UBE3A: variants seen among roughly 807,000 people sequenced by gnomAD.
UBE3A encodes the protein ubiquitin protein ligase E3A, also known as ubiquitin-protein ligase E3A.
UBE3A carries 6 observed loss-of-function variants against 83.4 expected under a neutral mutation model. The ratio of observed to expected loss-of-function variants is 0.07; its 90% CI spans 0.04 to 0.14. UBE3A has a LOEUF of 0.14. UBE3A is among the 10% of genes least tolerant of loss of function. UBE3A has a pLI of 1.00. For missense variants in UBE3A, 456 were observed against 1,036.1 expected, an observed-to-expected ratio of 0.44 and a Z score of 7.69; for synonymous variants, 337 against 355.4, an observed-to-expected ratio of 0.95 and a Z score of 0.58.
chr15:25,371,302 C>A lies in UBE3A; in HGVS notation c.872G>T (p.Arg291Ile). ...CAGATATTCAGGACTGTGGAGATTT[C>A]TATTCTCCATTACGATAATGAACAA... ...LNLFIIVMEN[R>I]NLHSPEYLEM... The change falls in exon 6 of 13, where the codon AGA becomes ATA. Residue 291 changes from arginine (R) to isoleucine (I), a missense_variant. Arg to Ile is a moderately conservative substitution (Grantham distance 97). This residue lies in a region of UBE3A where 40 missense variants were observed against 124.8 expected (regional missense o/e 0.32). Transcript: ENST00000648336. This position sits in a 1 kb window ranked among gnomAD's most constrained non-coding sequence, Gnocchi z 5.3. The A allele has an allele frequency of 6.2e-7, 1 of 1,614,116 alleles. No homozygotes were observed.
chr15:25,357,902 CTTTTT>C (rs35596421), intron 7 of UBE3A, among the ~76,000 whole-genome samples: 4 of 95,740 alleles, frequency 4.2e-5, no homozygotes, highest in Non-Finnish European at 5.9e-5. Context: ...ATCATGGAGG[CTTTTT>C]TTTTTTTTTT....
chr15:25,437,853 G>C (rs563733352), intron 1 of UBE3A, among the ~76,000 whole-genome samples: 9 of 151,788 alleles, frequency 5.9e-5, no homozygotes, highest in African/African-American at 2.4e-5. Context: ...ACTGAAAAGG[G>C]GGGGGAAAAA....
rs2077148395 is a variant in UBE3A at position 25,355,838 on chromosome 15, A to G, written c.2124+54T>C. The G allele has an allele frequency of 6.6e-6, 10 of 1,526,452 alleles. No homozygotes were observed. In the South Asian group the frequency reaches 1.1e-4, roughly 17 times the overall value. 94.6% of individuals were successfully genotyped at this position (1,526,452 alleles called of 1,614,324 possible). ...ACTTCTTTAAAAATTATAAGCATAC[A>G]TGCTTTGAAAGTGTTAATGAAGAGA... On this transcript the variant is annotated intron_variant, in intron 9 of 12. Transcript: ENST00000648336.
chr15:25,398,465 T>C (rs538632185), intron 4 of UBE3A, among the ~76,000 whole-genome samples: 6 of 152,066 alleles, frequency 3.9e-5, no homozygotes, highest in Admixed American at 2.6e-4. Flanking sequence ...CCCAGTCCAC[T>C]CACCCCCAGC....
At chr15:25,432,471 C>A (rs951544296) in intron 1 of UBE3A, among the ~76,000 whole-genome samples, 1 of 152,128 alleles carries the variant, frequency 6.6e-6, no homozygotes, top group Non-Finnish European at 1.5e-5. Flanking sequence ...TTCATTCAGC[C>A]CACAGCTATG....
intron 4 of UBE3A, among the ~76,000 whole-genome samples, chr15:25,394,049 A>G (rs777644609): frequency 6.6e-6 from 1 of 152,160 alleles, no homozygotes; most frequent in African/African-American, 2.4e-5. Context: ...TATGATTCTT[A>G]GCTATTCCCA....
chr15:25,365,771 AAAAG>A (rs1008754795), intron 6 of UBE3A, among the ~76,000 whole-genome samples: 1 of 151,648 alleles, frequency 6.6e-6, no homozygotes, highest in Non-Finnish European at 1.5e-5. Context: ...AAAAAGAGGA[AAAAG>A]AAAGAAAGGC....
chr15:25,333,752 T>A lies in UBE3A; in HGVS notation c.*5385A>T, dbSNP rs184299960. On this transcript the variant is annotated 3_prime_UTR_variant, in exon 13 of 13. Transcript: ENST00000648336. ...ATCCAGCAGCATAGAACAAGGTTTATGTAGCATGGACAACTGAGATTATCC... is the reference window on the plus strand; with the variant it reads ...ATCCAGCAGCATAGAACAAGGTTTAAGTAGCATGGACAACTGAGATTATCC... 6.6e-6 allele frequency: 1 copy of A among 152,340 alleles called. No homozygotes were observed. The highest frequency in any genetic ancestry group is 1.9e-4 in the East Asian group (1 of 5,190). 9.4% of individuals were successfully genotyped at this position (152,340 alleles called of 1,614,324 possible).
chr15:25,374,937 G>C (rs933612771), intron 5 of UBE3A: 1 of 156,102 alleles, frequency 6.4e-6, no homozygotes, highest in Non-Finnish European at 1.4e-5. Context: ...ACTGTCATTG[G>C]TAGGTCATGA....
At chr15:25,362,441 C>T (rs1464996708) in intron 6 of UBE3A, among the ~76,000 whole-genome samples, 1 of 152,164 alleles carries the variant, frequency 6.6e-6, no homozygotes, top group African/African-American at 2.4e-5. Context: ...AACTTTAGCA[C>T]GCGATTCAAT....
intron 4 of UBE3A, among the ~76,000 whole-genome samples, chr15:25,391,320 G>T (rs1368574215): frequency 6.6e-6 from 1 of 152,168 alleles, no homozygotes; most frequent in African/African-American, 2.4e-5. Context: ...AAAGTAGAAT[G>T]GCATTTGCCA....
chr15:25,376,900 G>C (rs1364434061), intron 4 of UBE3A, among the ~76,000 whole-genome samples: 1 of 152,142 alleles, frequency 6.6e-6, no homozygotes, highest in African/African-American at 2.4e-5. Flanking sequence ...TAAGAAGTTA[G>C]ATGACATTAT....
intron 4 of UBE3A, among the ~76,000 whole-genome samples, chr15:25,387,158 T>C (rs1245658600): frequency 6.6e-6 from 1 of 152,324 alleles, no homozygotes; most frequent in Non-Finnish European, 1.5e-5. Flanking sequence ...ACACAACTTA[T>C]CCAAATTTGT....
chr15:25,397,272 G>A (rs192558934), intron 4 of UBE3A, among the ~76,000 whole-genome samples: 1 of 152,136 alleles, frequency 6.6e-6, no homozygotes, highest in Non-Finnish European at 1.5e-5. Context: ...CTTTAACACA[G>A]CCAAGTAAAA....
chr15:25,430,699 A>C (rs1260287150), intron 1 of UBE3A, among the ~76,000 whole-genome samples: 1 of 152,176 alleles, frequency 6.6e-6, no homozygotes. Context: ...AAGTGCCTAA[A>C]ACTGTACATG....
rs1595566566 is a variant in UBE3A at position 25,354,174 on chromosome 15, T to C, written c.2354+179A>G. The C allele has an allele frequency of 7.7e-6, 5 of 646,326 alleles. No individual in the cohort carries two copies. In the East Asian group the frequency reaches 1.4e-4, roughly 18 times the overall value. The allele number at this position is 646,326 out of a possible 1,614,324, so 40.0% of individuals were successfully genotyped here. ...ATATAACAACACTTCATTCATGAAA[T>C]AAATCACAAGATTAGCTCTGAAAAA... On this transcript the variant is annotated intron_variant, in intron 11 of 12. Coordinates refer to ENST00000648336, the MANE Select transcript of UBE3A (RefSeq NM_130839.5).
At chr15:25,407,279 A>G (rs1455369830) in intron 3 of UBE3A, 45 of 1,046,574 alleles carry the variant, frequency 4.3e-5, no homozygotes, top group Non-Finnish European at 5.1e-5. Context: ...GAAGAGAGGC[A>G]GATTAGAAGT....
intron 4 of UBE3A, among the ~76,000 whole-genome samples, chr15:25,384,716 T>C (rs550857604): frequency 1.8e-4 from 27 of 152,204 alleles, no homozygotes; most frequent in Middle Eastern, 3.4e-3. Flanking sequence ...CGTAACAATC[T>C]GGACAAAAAA....
chr15:25,430,696 T>C (rs531780655), intron 1 of UBE3A, among the ~76,000 whole-genome samples: 3 of 152,106 alleles, frequency 2.0e-5, no homozygotes, highest in Non-Finnish European at 2.9e-5. Flanking sequence ...TACAAGTGCC[T>C]AAAACTGTAC....
Sources: allele counts gnomAD v4.1 joint callset (sites outside exome capture counted in the v4.1 genomes callset), GRCh38; gene constraint gnomAD v4.1.1; regional missense constraint gnomAD v4.1.1; non-coding constraint Gnocchi (gnomAD v3.1); transcripts MANE v1.5; gene names NCBI Gene and HGNC (gene_info 2026-07-23, HGNC 2026-07-21).